TNR: variants seen among roughly 807,000 people sequenced by gnomAD.
TNR encodes tenascin-R.
TNR carries 45 observed loss-of-function variants against 150.4 expected under a neutral mutation model. The observed-to-expected ratio is 0.30, with a 90% CI of 0.24 to 0.38. TNR has a LOEUF of 0.38. TNR is among the 10% of genes least tolerant of loss of function. TNR has a pLI of 1.00. For synonymous variants in TNR, 687 were observed against 678.4 expected (o/e 1.01, Z -0.20); for missense variants, 1,544 against 1,759.1 (o/e 0.88, Z 2.19).
chr1:175,621,575 C>T (rs1663978543), intron 1 of TNR, among the ~76,000 whole-genome samples: 1 of 152,170 alleles, frequency 6.6e-6, no homozygotes, highest in Admixed American at 6.5e-5. Context: ...AATAGTAGTA[C>T]CTATCTCATA....
chr1:175,588,834 C>A (rs1662679906), intron 1 of TNR, among the ~76,000 whole-genome samples: 1 of 152,144 alleles, frequency 6.6e-6, no homozygotes, highest in Non-Finnish European at 1.5e-5. Flanking sequence ...AAGCCCAAAC[C>A]TAATCTCCTC....
intron 18 of TNR, among the ~76,000 whole-genome samples, chr1:175,340,399 A>G (rs945743969): frequency 1.3e-5 from 2 of 152,234 alleles, no homozygotes; most frequent in African/African-American, 4.8e-5. Context: ...ACAGACTATC[A>G]AGAGCAGCAA....
chr1:175,585,813 A>G (rs747772202), intron 1 of TNR, among the ~76,000 whole-genome samples: 1 of 151,208 alleles, frequency 6.6e-6, no homozygotes, highest in Non-Finnish European at 1.5e-5. Context: ...CTTTCCCTCC[A>G]TCTCTCATTT....
intron 9 of TNR, among the ~76,000 whole-genome samples, chr1:175,378,964 G>C (rs1652535385): frequency 6.6e-6 from 1 of 152,214 alleles, no homozygotes. Context: ...CGGATCACCT[G>C]AGGTCGGGAG....
chr1:175,374,938 A>T (rs1053507705), intron 9 of TNR, among the ~76,000 whole-genome samples: 1 of 152,166 alleles, frequency 6.6e-6, no homozygotes, highest in Non-Finnish European at 1.5e-5. Context: ...GAGAGAGTGG[A>T]TGGCTTAGGG....
intron 1 of TNR, among the ~76,000 whole-genome samples, chr1:175,576,911 T>C (rs1289762731): frequency 6.6e-6 from 1 of 152,228 alleles, no homozygotes; most frequent in Non-Finnish European, 1.5e-5. Flanking sequence ...TGTATGATAA[T>C]TGAGATGCAT....
intron 2 of TNR, among the ~76,000 whole-genome samples, chr1:175,488,110 C>A (rs945183646): frequency 6.6e-5 from 10 of 152,140 alleles, no homozygotes; most frequent in African/African-American, 1.9e-4. Flanking sequence ...AGGTAGGGTG[C>A]AAGAAAGCAG....
chr1:175,513,062 G>A (rs1659255624), intron 2 of TNR, among the ~76,000 whole-genome samples: 2 of 152,194 alleles, frequency 1.3e-5, no homozygotes, highest in Admixed American at 1.3e-4. Flanking sequence ...TAGGGTAAGG[G>A]TCCAGGAAAC....
chr1:175,718,085 C>T (rs750500822), intron 1 of TNR, among the ~76,000 whole-genome samples: 15 of 152,114 alleles, frequency 9.9e-5, no homozygotes, highest in Non-Finnish European at 2.1e-4. Context: ...GCGCAGCCAT[C>T]GAATGAGTTA....
intron 1 of TNR, among the ~76,000 whole-genome samples, chr1:175,583,600 G>T (rs1571638325): frequency 6.6e-6 from 1 of 152,154 alleles, no homozygotes; most frequent in African/African-American, 2.4e-5. Context: ...TGCATGGACT[G>T]GTCAGTGGAG....
At chr1:175,480,419 A>AAAAGAAAGAAAGAAAGAAAG (rs200828309) in intron 2 of TNR, among the ~76,000 whole-genome samples, 10,830 of 110,584 alleles carry the variant, frequency 0.098, 513 homozygotes, top group Non-Finnish European at 0.11. Context: ...AAAGAAAGAA[A>AAAAGAAAGAAAGAAAGAAAG]AAAGAAAGAA....
At chr1:175,342,528 G>A (rs982242156) in intron 18 of TNR, among the ~76,000 whole-genome samples, 5 of 152,178 alleles carry the variant, frequency 3.3e-5, no homozygotes, top group African/African-American at 1.2e-4. Context: ...AGAGTCTTTT[G>A]GTGGACTTTA....
rs146357886 is a variant in TNR, at chr1:175,692,572, C to T, written c.-165+50654G>A. On this transcript the variant is annotated intron_variant, in intron 1 of 22. Transcript: ENST00000367674. ...ATAAACAAGTAAGCTCATTTTCCCA[C>T]GTACAGTTGAGAGAACACCATGGGC... 1.6e-3 allele frequency among the ~76,000 whole-genome samples: 240 copies of T among 152,280 alleles called. 4 individuals carry two copies. Among genetic ancestry groups the T allele is most frequent in the African/African-American group, 5.5e-3 (227 of 41,544 alleles).
chr1:175,467,468 G>A (rs1014425457), intron 2 of TNR, among the ~76,000 whole-genome samples: 1 of 152,216 alleles, frequency 6.6e-6, no homozygotes, highest in Non-Finnish European at 1.5e-5. Flanking sequence ...CACTTTAAAA[G>A]AGGACAGAAG....
chr1:175,643,069 C>T (rs762650647), intron 1 of TNR, among the ~76,000 whole-genome samples: 1 of 152,184 alleles, frequency 6.6e-6, no homozygotes, highest in Non-Finnish European at 1.5e-5. Flanking sequence ...ATTTTATAAT[C>T]TATTGGGTGA....
chr1:175,454,963 T>A (rs1245024401), intron 2 of TNR, among the ~76,000 whole-genome samples: 1 of 152,176 alleles, frequency 6.6e-6, no homozygotes. Flanking sequence ...TTGCTTCAAC[T>A]AATAGAGGAT....
chr1:175,437,071 T>C (rs560450298), intron 2 of TNR, among the ~76,000 whole-genome samples: 73 of 152,312 alleles, frequency 4.8e-4, no homozygotes, highest in African/African-American at 1.7e-3. Flanking sequence ...CAACAGAATA[T>C]ACATTCTTCT....
intron 18 of TNR, among the ~76,000 whole-genome samples, chr1:175,350,415 T>A (rs1040043134): frequency 2.6e-5 from 4 of 152,236 alleles, no homozygotes; most frequent in Non-Finnish European, 5.9e-5. Context: ...GACAATCATT[T>A]CACCAAGTCC....
intron 1 of TNR, among the ~76,000 whole-genome samples, chr1:175,576,230 G>A (rs568845671): frequency 6.6e-6 from 1 of 152,174 alleles, no homozygotes; most frequent in Non-Finnish European, 1.5e-5. Flanking sequence ...CTGTGACAGG[G>A]TCTATCACCA....
Sources: gnomAD v4.1 joint callset for allele counts (sites outside exome capture counted in the v4.1 genomes callset) on GRCh38, gnomAD v4.1.1 for gene constraint, MANE v1.5 for transcripts, NCBI Gene and HGNC (gene_info 2026-07-23, HGNC 2026-07-21) for gene names.